The following TRIM52 variants were observed in gnomAD, a reference collection of about 807,000 sequenced individuals.
TRIM52 encodes tripartite motif containing 52.
In TRIM52, 24 loss-of-function variants were observed where a neutral mutation model predicts 27.0. The observed-to-expected ratio is 0.89, with a 90% CI of 0.64 to 1.25. The LOEUF (loss-of-function observed/expected upper bound fraction) is 1.25, where lower values mean the gene tolerates loss of function less well. Ranked by LOEUF, TRIM52 falls within the 50% of genes most tolerant of loss-of-function variation. TRIM52 has a pLI of 0.00. For synonymous variants in TRIM52, 125 were observed against 126.5 expected, an observed-to-expected ratio of 0.99 and a Z score of 0.08; for missense variants, 351 against 354.7, an observed-to-expected ratio of 0.99 and a Z score of 0.08.
downstream of TRIM52, among the ~76,000 whole-genome samples, chr5:181,249,591 G>A (rs188494796): frequency 2.5e-4 from 38 of 151,886 alleles, no homozygotes; most frequent in African/African-American, 8.9e-4. Context: ...CAGGAGGATC[G>A]CTTGAGCCCA....
In TRIM52 at chr5:181,260,584, C is replaced by T. The variant is rs761338332; in HGVS notation, c.230G>A (p.Gly77Glu). The T allele has an allele frequency of 2.5e-6, 4 of 1,613,904 alleles. No homozygotes were observed. The highest frequency in any genetic ancestry group is 3.4e-6 in the Non-Finnish European group (4 of 1,179,962). Residue 77 changes from glycine to glutamate, a missense_variant, in exon 1 of 2, where the codon GGA becomes GAA. Coordinates refer to ENST00000688015, the MANE Select transcript of TRIM52 (RefSeq NM_001346048.2). This position sits in a 1 kb window ranked among gnomAD's most constrained non-coding sequence, Gnocchi z 4.4. ...EDEEAVGAMD[G>E]WDGSIREVLY... is the part of the protein sequence containing the mutation. ...CACCTCTCGAATGGAGCCGTCCCAT[C>T]CATCCATGGCCCCCACCGCTTCCTC... is the stretch of plus-strand genomic sequence containing the variant.
In TRIM52 at chr5:181,259,742, G is replaced by A. The variant is rs1331468705; in HGVS notation, c.813+259C>T. 4.7e-6 allele frequency: 3 copies of A among 632,784 alleles called. No homozygotes were observed. The African/African-American group carries it at 5.5e-5, about 12-fold the overall frequency. 39.2% of individuals were successfully genotyped at this position (632,784 alleles called of 1,614,324 possible). ...CTTAGGTAGACTGCCAGTATTAGCA[G>A]TAGTGGTCCGCTTCCAGTGACCGTC... is the stretch of plus-strand genomic sequence containing the variant. On this transcript the variant is annotated intron_variant, in intron 1 of 1. Coordinates refer to ENST00000688015, the MANE Select transcript of TRIM52 (RefSeq NM_001346048.2).
chr5:181,259,708 T>C, intron 1 of TRIM52: 2 of 502,724 alleles, frequency 4.0e-6, no homozygotes, highest in South Asian at 4.2e-5. Context: ...GTTACTCACG[T>C]CCCTTACACT....
At chr5:181,251,055 C>T (rs1028884033), downstream of TRIM52, among the ~76,000 whole-genome samples, 2 of 151,904 alleles carry the variant, frequency 1.3e-5, no homozygotes, top group African/African-American at 4.8e-5. Flanking sequence ...TTTGGGAGGC[C>T]GAGGTGGACA....
At chr5:181,254,722 A>AG (rs1275603595), downstream of TRIM52, 1 of 152,240 alleles carries the variant, frequency 6.6e-6, no homozygotes, top group Non-Finnish European at 1.5e-5. Context: ...TAGGCTCAGT[A>AG]GGATAGTAAG....
At chr5:181,250,984 C>T (rs912157857), downstream of TRIM52, among the ~76,000 whole-genome samples, 1 of 152,052 alleles carries the variant, frequency 6.6e-6, no homozygotes, top group Non-Finnish European at 1.5e-5. Context: ...GTTGGGATCT[C>T]GGTCCCTTAA....
At chr5:181,259,895 G>A (rs1276244574) in intron 1 of TRIM52, 106 bp downstream of exon 1, 4 of 1,578,544 alleles carry the variant, frequency 2.5e-6, no homozygotes, top group Non-Finnish European at 3.4e-6. Context: ...GAGAAGTTTA[G>A]CAACTAAGTA....
Position 181,260,623 on chromosome 5 carries a change from TCCC to T in TRIM52, c.188_190del (p.Trp63_Glu64delinsTer). ...CACCGCTTCCTCGTCCTCCTCCTCC[TCCC>T]ATTCATCTTCCTCCTCGTTCTGGTC... On this transcript the variant is annotated stop_gained and inframe_deletion, in exon 1 of 2. Coordinates refer to ENST00000688015, the MANE Select transcript of TRIM52 (RefSeq NM_001346048.2). LOFTEE classifies it high-confidence loss of function. The surrounding 1 kb of genome is among the most constrained non-coding windows in gnomAD (Gnocchi z 4.4). The T allele has an allele frequency of 6.2e-7, 1 of 1,613,802 alleles. No homozygotes were observed. The highest frequency in any genetic ancestry group is 8.5e-7 in the Non-Finnish European group (1 of 1,179,960).
At chr5:181,257,727 C>T in intron 1 of TRIM52, 2 of 289,112 alleles carry the variant, frequency 6.9e-6, no homozygotes, top group South Asian at 5.1e-5. Context: ...CATGGTGGCT[C>T]ACATCTGTAA....
chr5:181,259,723 T>C (rs1040232220), intron 1 of TRIM52: 40 of 556,664 alleles, frequency 7.2e-5, no homozygotes, highest in South Asian at 7.2e-4. Context: ...TACACTTAGG[T>C]AGACTGCCAG....
rs757757013 is a variant in TRIM52, at chr5:181,257,382, ACCT to A, written c.814-526_814-524del. ...AAATGGAATCATATCCTTAATGAAC[ACCT>A]CCTGTGGCTACCCAACTTTTCACAC... On this transcript the variant is annotated intron_variant, in intron 1 of 1. Transcript: ENST00000688015. The A allele has an allele frequency of 7.0e-6, 11 of 1,570,578 alleles. No individual in the cohort carries two copies. The South Asian group carries it at 1.1e-4, about 15-fold the overall frequency.
downstream of TRIM52, among the ~76,000 whole-genome samples, chr5:181,251,456 A>G (rs957706963): frequency 6.6e-6 from 1 of 152,160 alleles, no homozygotes; most frequent in Non-Finnish European, 1.5e-5. Context: ...AACAATAACA[A>G]CAACAAACAA....
chr5:181,257,025 T>TGGCA (rs1759810717), intron 1 of TRIM52, 166 bp from the exon 2 acceptor site: 31 of 991,706 alleles, frequency 3.1e-5, no homozygotes, highest in Non-Finnish European at 3.7e-5. Context: ...GGCAGCTGGG[T>TGGCA]GGCAGGACAA....
chr5:181,260,601 C>G lies in TRIM52; in HGVS notation c.213G>C (p.Ala71=). The change falls in exon 1 of 2, where the codon GCG becomes GCC. Residue 71 remains alanine (A), a synonymous_variant. Coordinates refer to ENST00000688015, the MANE Select transcript of TRIM52 (RefSeq NM_001346048.2). This position sits in a 1 kb window ranked among gnomAD's most constrained non-coding sequence, Gnocchi z 4.4. ...CGTCCCATCCATCCATGGCCCCCAC[C>G]GCTTCCTCGTCCTCCTCCTCCTCCC... is the stretch of plus-strand genomic sequence containing the variant. ...DEWEEEEDEE[A]VGAMDGWDGS... The G allele has an allele frequency of 4.3e-6, 7 of 1,614,004 alleles. No individual in the cohort carries two copies. The highest frequency in any genetic ancestry group is 5.9e-6 in the Non-Finnish European group (7 of 1,179,998).
intron 1 of TRIM52, chr5:181,259,008 C>G (rs1045110860): frequency 6.6e-6 from 1 of 152,216 alleles, no homozygotes; most frequent in African/African-American, 2.4e-5. Flanking sequence ...TGAAGACAAC[C>G]TCTCCTTCGT....
chr5:181,260,247 G>C lies in TRIM52; in HGVS notation c.567C>G (p.Ser189Arg). The C allele has an allele frequency of 6.2e-7, 1 of 1,614,236 alleles. No homozygotes were observed. The highest frequency in any genetic ancestry group is 8.5e-7 in the Non-Finnish European group (1 of 1,180,042). Residue 189 changes from serine (S) to arginine (R), a missense_variant, in exon 1 of 2, where the codon AGC becomes AGG. By Grantham distance (110) the Ser-to-Arg change is moderately radical. Coordinates refer to ENST00000688015, the MANE Select transcript of TRIM52 (RefSeq NM_001346048.2). This position sits in a 1 kb window ranked among gnomAD's most constrained non-coding sequence, Gnocchi z 4.4. ...GQFTCPQCRK[S>R]FTRRSFRPNL... The stretch of plus-strand genomic sequence containing the variant: ...TGGGACGAAAGCTGCGACGTGTAAA[G>C]CTCTTTCGGCACTGGGGGCAGGTGA...
chr5:181,256,963 G>GTT (rs1759806703), intron 1 of TRIM52, 104 bp from the exon 2 acceptor site: 1 of 986,436 alleles, frequency 1.0e-6, no homozygotes, highest in African/African-American at 1.7e-5. Flanking sequence ...AAGGAGTACT[G>GTT]ATGATGGAAG....
At chr5:181,257,199 A>G in intron 1 of TRIM52, 1 of 1,235,346 alleles carries the variant, frequency 8.1e-7, no homozygotes, top group Non-Finnish European at 1.0e-6. Flanking sequence ...TGCAGAGTCA[A>G]GACGAACTCT....
intron 1 of TRIM52, chr5:181,258,767 A>G (rs977313537): frequency 2.0e-5 from 3 of 152,220 alleles, no homozygotes; most frequent in Non-Finnish European, 4.4e-5. Context: ...TAAAAGTTTC[A>G]TAAAGCAGTA....
Sources: allele counts gnomAD v4.1 joint callset (sites outside exome capture counted in the v4.1 genomes callset), GRCh38; gene constraint gnomAD v4.1.1; non-coding constraint Gnocchi (gnomAD v3.1); transcripts MANE v1.5; gene names NCBI Gene and HGNC (gene_info 2026-07-23, HGNC 2026-07-21).